The following CAPN9 variants were observed in gnomAD, a reference collection of about 807,000 sequenced individuals.
The protein encoded by CAPN9 is calpain 9, also known as calpain-9.
CAPN9 carries 81 observed loss-of-function variants against 92.8 expected under a neutral mutation model. That is an observed-to-expected ratio of 0.87 (90% CI 0.73 to 1.05). CAPN9 has a LOEUF of 1.05. Among genes scored for constraint, CAPN9 ranks in the 50% least tolerant of loss-of-function variants. The pLI, the probability that CAPN9 is intolerant of heterozygous loss-of-function variation, is 0.00. For missense variants in CAPN9, 848 were observed against 866.2 expected, an observed-to-expected ratio of 0.98 and a Z score of 0.26; for synonymous variants, 304 against 328.0, an observed-to-expected ratio of 0.93 and a Z score of 0.79.
At chr1:230,781,930 T>G (rs1667253385) in intron 11 of CAPN9, among the ~76,000 whole-genome samples, 1 of 152,226 alleles carries the variant, frequency 6.6e-6, no homozygotes, top group Non-Finnish European at 1.5e-5. Context: ...AGTCTTTAAT[T>G]TTTAAACACT....
intron 4 of CAPN9, among the ~76,000 whole-genome samples, chr1:230,766,348 T>A (rs1168229106): frequency 1.3e-5 from 2 of 152,230 alleles, no homozygotes; most frequent in Admixed American, 6.5e-5. Flanking sequence ...TGGGGCACAT[T>A]TGATATTCTG....
chr1:230,770,531 G>T (rs553733799), intron 6 of CAPN9, among the ~76,000 whole-genome samples: 6 of 152,218 alleles, frequency 3.9e-5, no homozygotes, highest in South Asian at 2.1e-4. Context: ...TAATCACCAC[G>T]AGTCCCATTC....
chr1:230,787,311 C>T (rs751840588), intron 12 of CAPN9, among the ~76,000 whole-genome samples: 10 of 152,156 alleles, frequency 6.6e-5, no homozygotes, highest in Non-Finnish European at 1.3e-4. Flanking sequence ...AAGGGCTCCA[C>T]AGGTCCAGCT....
At chr1:230,786,871 G>T (rs1448769626) in intron 12 of CAPN9, among the ~76,000 whole-genome samples, 1 of 152,190 alleles carries the variant, frequency 6.6e-6, no homozygotes, top group African/African-American at 2.4e-5. Context: ...GTTATGTGGT[G>T]TGGAAGGGGT....
At chr1:230,790,834 C>T (rs1432232306) in intron 14 of CAPN9, among the ~76,000 whole-genome samples, 1 of 152,092 alleles carries the variant, frequency 6.6e-6, no homozygotes, top group African/African-American at 2.4e-5. Context: ...ACCTGTAATC[C>T]CAGCTGCTCG....
chr1:230,776,212 C>T (rs1171233463), intron 8 of CAPN9: 1 of 152,126 alleles, frequency 6.6e-6, no homozygotes, highest in Non-Finnish European at 1.5e-5. Flanking sequence ...CTCACTCTGT[C>T]CTCACATGGT....
chr1:230,769,298 G>C, intron 6 of CAPN9, 35 bp downstream of exon 6: 2 of 1,431,600 alleles, frequency 1.4e-6, no homozygotes, highest in Non-Finnish European at 2.0e-6. Context: ...AGGCTATGGG[G>C]AGACATGTGA....
At chr1:230,785,028 T>C (rs1558110457) in intron 11 of CAPN9, among the ~76,000 whole-genome samples, 2 of 152,246 alleles carry the variant, frequency 1.3e-5, no homozygotes, top group South Asian at 4.1e-4. Context: ...GAGATCACTT[T>C]GGAGCTTTAA....
At position 230,772,072 on chromosome 1, in the gene CAPN9, T is replaced by C. The variant is rs755650989; in HGVS notation, c.848T>C (p.Val283Ala). 1 of 1,614,198 alleles carries C rather than the reference T, an allele frequency of 6.2e-7. No homozygotes were observed. Among genetic ancestry groups the C allele is most frequent in the Non-Finnish European group, 8.5e-7 (1 of 1,180,022 alleles). ...CGAATCCGGAACCCTTGGGGCCAGG[T>C]TGAGTGGAACGGGTCGTGGAGCGAC... ...LIRIRNPWGQ[V>A]EWNGSWSDSS... The change falls in exon 7 of 20, where the codon GTT (valine) becomes GCT (alanine). Residue 283 changes from valine to alanine, a missense_variant. By Grantham distance (64) the Val-to-Ala change is moderately conservative. Coordinates refer to ENST00000271971, the MANE Select transcript of CAPN9 (RefSeq NM_006615.3).
At chr1:230,766,859 GA>G (rs1357259548) in intron 4 of CAPN9, among the ~76,000 whole-genome samples, 1 of 152,102 alleles carries the variant, frequency 6.6e-6, no homozygotes. Context: ...CTTGGGCAGG[GA>G]AATTCCCATT....
At position 230,769,614 on chromosome 1, in the gene CAPN9, CACCT is replaced by C. The variant is rs1399721500; in HGVS notation, c.789+353_789+356del. On this transcript the variant is annotated intron_variant, in intron 6 of 19. Transcript: ENST00000271971. ...ATATACATACAATTAAACACACACA[CACCT>C]ATCTATCTATCTATCTATCTATCTA... Among the ~76,000 whole-genome samples, 787 of 149,920 alleles carry C rather than the reference CACCT, an allele frequency of 5.2e-3. 7 individuals carry two copies. Among genetic ancestry groups the C allele is most frequent in the African/African-American group, 0.016 (640 of 40,650 alleles).
At chr1:230,778,754 A>C (rs28359683) in intron 8 of CAPN9, among the ~76,000 whole-genome samples, 1 of 152,176 alleles carries the variant, frequency 6.6e-6, no homozygotes, top group African/African-American at 2.4e-5. Flanking sequence ...AGCACTTAAC[A>C]TCTACAATCA....
chr1:230,771,159 A>G (rs2102872635), intron 6 of CAPN9, among the ~76,000 whole-genome samples: 1 of 152,338 alleles, frequency 6.6e-6, no homozygotes, highest in African/African-American at 2.4e-5. Flanking sequence ...GAACCTTTCA[A>G]ATTAAATGAG....
chr1:230,795,634 T>G, intron 18 of CAPN9: 1 of 226,214 alleles, frequency 4.4e-6, no homozygotes, highest in African/African-American at 2.3e-5. Context: ...CCTCCCCCCT[T>G]CCCCGCCCTG....
At chr1:230,799,731 C>G (rs918396838) in intron 19 of CAPN9, among the ~76,000 whole-genome samples, 1 of 152,280 alleles carries the variant, frequency 6.6e-6, no homozygotes, top group Middle Eastern at 3.4e-3. Flanking sequence ...ACAAATTATT[C>G]TTTTATGAAA....
chr1:230,793,712 G>A lies in CAPN9; in HGVS notation c.1870+784G>A, dbSNP rs1028719276. Among the ~76,000 whole-genome samples, 17 of 152,326 alleles carry A rather than the reference G, an allele frequency of 1.1e-4. No individual in the cohort carries two copies. In the East Asian group the frequency reaches 1.9e-3, roughly 17 times the overall value. On this transcript the variant is annotated intron_variant, in intron 17 of 19. Transcript: ENST00000271971. ...ATGTCCAGGCTCAGGCCTGATAAAA[G>A]GATGAAGTATACACAGCCAGGACCA... is the stretch of plus-strand genomic sequence containing the variant.
intron 11 of CAPN9, among the ~76,000 whole-genome samples, chr1:230,781,089 G>A (rs1334361406): frequency 3.9e-5 from 6 of 151,984 alleles, no homozygotes; most frequent in Middle Eastern, 3.4e-3. Context: ...GGCTGGTCTC[G>A]AACTCCTGAC....
intron 7 of CAPN9, 144 bp from the exon 8 acceptor site, chr1:230,774,410 C>T (rs1343790819): frequency 3.1e-6 from 2 of 653,712 alleles, no homozygotes; most frequent in Non-Finnish European, 5.6e-6. Context: ...GCCGCTACAT[C>T]CCTGGGTGCA....
Position 230,759,596 on chromosome 1 carries a change from T to G in CAPN9, c.368T>G (p.Phe123Cys). Residue 123 changes from phenylalanine to cysteine, a missense_variant, in exon 3 of 20, where the codon TTT (phenylalanine) becomes TGT (cysteine). Phe to Cys is a radical substitution (Grantham distance 205). Coordinates refer to ENST00000271971, the MANE Select transcript of CAPN9 (RefSeq NM_006615.3). ...AGAGTCATCCCCCAGGACCAAAGCT[T>G]TGGCCCTGGTTATGCCGGGATATTC... The part of the protein sequence containing the change: ...LARVIPQDQS[F>C]GPGYAGIFHF... 6.2e-7 allele frequency: 1 copy of G among 1,607,970 alleles called. No individual in the cohort carries two copies. Among genetic ancestry groups the G allele is most frequent in the Non-Finnish European group, 8.5e-7 (1 of 1,177,806 alleles).
Sources: gnomAD v4.1 joint callset for allele counts (sites outside exome capture counted in the v4.1 genomes callset) on GRCh38, gnomAD v4.1.1 for gene constraint, MANE v1.5 for transcripts, NCBI Gene and HGNC (gene_info 2026-07-23, HGNC 2026-07-21) for gene names.